Variants in ADNP2 observed in about 807,000 individuals in gnomAD.
The protein encoded by ADNP2 is ADNP homeobox 2, also known as activity-dependent neuroprotector homeobox protein 2.
In ADNP2, 8 loss-of-function variants were observed where a neutral mutation model predicts 16.4. The observed-to-expected ratio is 0.49, with a 90% CI of 0.29 to 0.88. The LOEUF is 0.88. ADNP2 is among the 40% of genes least tolerant of loss of function. The probability of loss-of-function intolerance (pLI) is 0.09; values close to 1 mark genes in which losing one functional copy is unlikely to be tolerated. For synonymous variants in ADNP2, 637 were observed against 545.8 expected, an observed-to-expected ratio of 1.17 and a Z score of -2.33; for missense variants, 1,397 against 1,395.1, an observed-to-expected ratio of 1.00 and a Z score of -0.02.
chr18:80,121,726 T>A (rs1267992237), intron 2 of ADNP2, among the ~76,000 whole-genome samples: 1 of 152,150 alleles, frequency 6.6e-6, no homozygotes, highest in Non-Finnish European at 1.5e-5. Context: ...TAAGTAGGAG[T>A]CCGGTTTCAT....
chr18:80,118,224 A>C (rs187322756), intron 2 of ADNP2, among the ~76,000 whole-genome samples: 5 of 152,306 alleles, frequency 3.3e-5, no homozygotes, highest in African/African-American at 1.2e-4. Context: ...CAGGAGTTCG[A>C]GACCAGCCTG....
Position 80,136,684 on chromosome 18 carries a change from C to A in ADNP2, c.1271C>A (p.Ser424Tyr). The A allele has an allele frequency of 6.2e-7, 1 of 1,613,282 alleles. No individual in the cohort carries two copies. Among genetic ancestry groups the A allele is most frequent in the Non-Finnish European group, 8.5e-7 (1 of 1,179,476 alleles). ...CCTGGTGTTCTTCCTGTGAGCCCCTCTGTCACCCCTGGGGTCCTGCAGGCT... is the reference window on the plus strand; with the variant it reads ...CCTGGTGTTCTTCCTGTGAGCCCCTATGTCACCCCTGGGGTCCTGCAGGCT... The part of the protein sequence containing the change: ...VGPGVLPVSP[S>Y]VTPGVLQAVS... The change falls in exon 4 of 4, where the codon TCT (serine) becomes TAT (tyrosine). Residue 424 changes from serine to tyrosine, a missense_variant. By Grantham distance (144) the Ser-to-Tyr change is moderately radical (BLOSUM62 -2). Transcript: ENST00000262198.
Position 80,133,207 on chromosome 18 carries a change from C to A in ADNP2, c.198+15C>A. 1 of 1,597,170 alleles carries A rather than the reference C, an allele frequency of 6.3e-7. No homozygotes were observed. Among genetic ancestry groups the A allele is most frequent in the Non-Finnish European group, 8.6e-7 (1 of 1,164,792 alleles). On this transcript the variant is annotated intron_variant, in intron 3 of 3. Transcript: ENST00000262198. ...GAAAGAAAGTGGTATGTATTTTTTG[C>A]ATTTGTTTTTCATGTTTCCTCAAAA...
chr18:80,115,769 C>T (rs1170912576), intron 1 of ADNP2, among the ~76,000 whole-genome samples: 1 of 152,138 alleles, frequency 6.6e-6, no homozygotes, highest in Non-Finnish European at 1.5e-5. Context: ...GCCCTGGCAG[C>T]CACTGTTGTG....
intron 1 of ADNP2, among the ~76,000 whole-genome samples, chr18:80,111,282 C>T (rs577831312): frequency 1.5e-3 from 224 of 152,284 alleles, no homozygotes; most frequent in Non-Finnish European, 2.4e-3. Context: ...ATAGCAAACT[C>T]AGTGCTTATG....
rs753229917 is a variant in ADNP2, at chr18:80,137,482, C to T, written c.2069C>T (p.Ala690Val). ...GACACAAACCAGGTGCTCAAACAGGCCAAGCAGTGGAAGACCTGCCCTGTC... is the reference window on the plus strand; with the variant it reads ...GACACAAACCAGGTGCTCAAACAGGTCAAGCAGTGGAAGACCTGCCCTGTC... ...AADTNQVLKQ[A>V]KQWKTCPVCN... The change falls in exon 4 of 4, where the codon GCC becomes GTC. Residue 690 changes from alanine to valine, a missense_variant. Coordinates refer to ENST00000262198, the MANE Select transcript of ADNP2 (RefSeq NM_014913.4). The surrounding 1 kb of genome is among the most constrained non-coding windows in gnomAD (Gnocchi z 4.2). 6.2e-6 allele frequency: 10 copies of T among 1,614,210 alleles called. No homozygotes were observed. The highest frequency in any genetic ancestry group is 8.5e-6 in the Non-Finnish European group (10 of 1,180,040).
intron 2 of ADNP2, among the ~76,000 whole-genome samples, chr18:80,126,932 C>G (rs1205327093): frequency 6.6e-6 from 1 of 152,168 alleles, no homozygotes; most frequent in East Asian, 1.9e-4. Flanking sequence ...GTTTTAAGTT[C>G]CATGGCATTC....
Position 80,121,918 on chromosome 18 carries a change from T to A in ADNP2, c.108+4268T>A, listed in dbSNP as rs2052427740. 1.3e-5 allele frequency among the ~76,000 whole-genome samples: 2 copies of A among 152,094 alleles called. 1 individual carries two copies. The highest frequency in any genetic ancestry group is 2.9e-5 in the Non-Finnish European group (2 of 68,020). The stretch of plus-strand genomic sequence containing the variant: ...TATGTCTATCCTTATAACAATCCTA[T>A]ACTGGTTTTTTTTTTTGAGACTGAG... On this transcript the variant is annotated intron_variant, in intron 2 of 3. Transcript: ENST00000262198.
chr18:80,125,544 G>C (rs1454538983), intron 2 of ADNP2, among the ~76,000 whole-genome samples: 1 of 152,164 alleles, frequency 6.6e-6, no homozygotes, highest in Non-Finnish European at 1.5e-5. Context: ...TCAGGTGGCT[G>C]AGGCAGGAGA....
chr18:80,124,787 A>G (rs1395652769), intron 2 of ADNP2, among the ~76,000 whole-genome samples: 1 of 152,228 alleles, frequency 6.6e-6, no homozygotes, highest in Non-Finnish European at 1.5e-5. Context: ...TTAGCACACA[A>G]AAAGACAAAA....
chr18:80,113,128 G>A (rs1179190229), intron 1 of ADNP2, among the ~76,000 whole-genome samples: 1 of 152,192 alleles, frequency 6.6e-6, no homozygotes, highest in Admixed American at 6.5e-5. Context: ...CAGCTCTTGT[G>A]TGAGAGTGTA....
At chr18:80,120,818 CTAA>C (rs1364052958) in intron 2 of ADNP2, among the ~76,000 whole-genome samples, 1 of 152,092 alleles carries the variant, frequency 6.6e-6, no homozygotes, top group Admixed American at 6.5e-5. Flanking sequence ...CCAAGTCCAA[CTAA>C]TTTTTGTATT....
In ADNP2 at chr18:80,133,193, G is replaced by T. The variant is rs1476451677; in HGVS notation, c.198+1G>T. The T allele has an allele frequency of 6.2e-7, 1 of 1,610,238 alleles. No individual in the cohort carries two copies. Among genetic ancestry groups the T allele is most frequent in the Non-Finnish European group, 8.5e-7 (1 of 1,176,550 alleles). ...CTGGGAACCTTCTGGAAAGAAAGTG[G>T]TATGTATTTTTTGCATTTGTTTTTC... is the stretch of plus-strand genomic sequence containing the variant. On this transcript the variant is annotated splice_donor_variant, in intron 3 of 3. Coordinates refer to ENST00000262198, the MANE Select transcript of ADNP2 (RefSeq NM_014913.4). LOFTEE classifies it high-confidence loss of function.
At chr18:80,130,216 A>G (rs2052487347) in intron 2 of ADNP2, among the ~76,000 whole-genome samples, 1 of 151,960 alleles carries the variant, frequency 6.6e-6, no homozygotes, top group African/African-American at 2.4e-5. Flanking sequence ...GCCTGTGAGG[A>G]TGGGCCCATT....
At position 80,138,046 on chromosome 18, in the gene ADNP2, C is replaced by T. The variant is rs1347972415; in HGVS notation, c.2633C>T (p.Pro878Leu). The T allele has an allele frequency of 6.2e-7, 1 of 1,613,770 alleles. No homozygotes were observed. Among genetic ancestry groups the T allele is most frequent in the Non-Finnish European group, 8.5e-7 (1 of 1,180,030 alleles). Residue 878 changes from proline (P) to leucine (L), a missense_variant, in exon 4 of 4, where the codon CCC becomes CTC. Around this residue, in one of 3 missense-constraint regions of ADNP2, gnomAD observed 611 missense variants for 648.7 expected, o/e 0.94. Transcript: ENST00000262198. ...GSTGKRVSTCPFCFGPFVTTE... is the reference protein window; with the variant it reads ...GSTGKRVSTCLFCFGPFVTTE... ...ACCGGCAAGCGAGTGTCCACCTGCC[C>T]CTTTTGCTTTGGCCCCTTTGTGACA...
chr18:80,115,657 G>A (rs2052384453), intron 1 of ADNP2, among the ~76,000 whole-genome samples: 1 of 152,192 alleles, frequency 6.6e-6, no homozygotes, highest in Non-Finnish European at 1.5e-5. Context: ...CCAGTTTGAA[G>A]TGTACAGTGA....
chr18:80,136,557 A>G lies in ADNP2; in HGVS notation c.1144A>G (p.Asn382Asp). ...CTTGAGTCAGCCAGTCGGACCTGTCAATAAGTCTGTTGGAACTAGTGTCCT... is the reference window on the plus strand; with the variant it reads ...CTTGAGTCAGCCAGTCGGACCTGTCGATAAGTCTGTTGGAACTAGTGTCCT... ...LPLSQPVGPV[N>D]KSVGTSVLPI... is the part of the protein sequence containing the mutation. Residue 382 changes from asparagine (N) to aspartate (D), a missense_variant, in exon 4 of 4, where the codon AAT becomes GAT. Around this residue, in one of 3 missense-constraint regions of ADNP2, gnomAD observed 777 missense variants for 719.4 expected, o/e 1.08. Coordinates refer to ENST00000262198, the MANE Select transcript of ADNP2 (RefSeq NM_014913.4). 6.2e-7 allele frequency: 1 copy of G among 1,614,186 alleles called. No individual in the cohort carries two copies. Among genetic ancestry groups the G allele is most frequent in the South Asian group, 1.1e-5 (1 of 91,082 alleles).
intron 1 of ADNP2, among the ~76,000 whole-genome samples, chr18:80,110,235 G>T (rs903790625): frequency 2.6e-5 from 4 of 152,218 alleles, no homozygotes; most frequent in Non-Finnish European, 2.9e-5. Flanking sequence ...TTCTACTACA[G>T]TTGACTTTGG....
At chr18:80,118,898 T>C (rs758733346) in intron 2 of ADNP2, among the ~76,000 whole-genome samples, 1 of 152,196 alleles carries the variant, frequency 6.6e-6, no homozygotes, top group Non-Finnish European at 1.5e-5. Flanking sequence ...GTAAAACTAT[T>C]TTGGGGAGAA....
Sources: gnomAD v4.1 joint callset for allele counts (sites outside exome capture counted in the v4.1 genomes callset) on GRCh38, gnomAD v4.1.1 for gene constraint, gnomAD v4.1.1 regional missense constraint, Gnocchi (gnomAD v3.1) non-coding constraint, MANE v1.5 for transcripts, NCBI Gene and HGNC (gene_info 2026-07-23, HGNC 2026-07-21) for gene names.